Variants in LPCAT2 observed in about 807,000 individuals in gnomAD.
LPCAT2 encodes lysophosphatidylcholine acyltransferase 2, also known as 1-AGP acyltransferase 11.
In LPCAT2, 58 loss-of-function variants were observed where a neutral mutation model predicts 64.7. The ratio of observed to expected loss-of-function variants is 0.90; its 90% confidence interval spans 0.73 to 1.12. The LOEUF is 1.12. LPCAT2 is among the 50% of genes most tolerant of loss of function. The pLI is 0.00. For missense variants in LPCAT2, 579 were observed against 669.8 expected (o/e 0.86, Z 1.50); for synonymous variants, 252 against 245.3 (o/e 1.03, Z -0.26).
At chr16:55,510,928 T>C (rs761330963) in intron 1 of LPCAT2, among the ~76,000 whole-genome samples, 8 of 152,142 alleles carry the variant, frequency 5.3e-5, no homozygotes, top group Non-Finnish European at 1.0e-4. Flanking sequence ...CTATAATAAA[T>C]TATTAAGTTT....
chr16:55,520,277 A>T (rs1259042116), intron 1 of LPCAT2, among the ~76,000 whole-genome samples: 1 of 152,148 alleles, frequency 6.6e-6, no homozygotes, highest in Non-Finnish European at 1.5e-5. Flanking sequence ...AAGACATGTC[A>T]TGATATCAGA....
In LPCAT2 at chr16:55,509,194, GC is replaced by G; in HGVS notation, c.16del (p.Gln6ArgfsTer70). On this transcript the variant is annotated frameshift_variant, in exon 1 of 14. Coordinates refer to ENST00000262134, the MANE Select transcript of LPCAT2 (RefSeq NM_017839.5). LOFTEE classifies it high-confidence loss of function. MSRCAQAAEVAATVP... is the reference protein window; with the variant it reads MSRCXQAAEVAATVP... ...GCCCGGCTCAACTATGAGCCGGTGC[GC>G]CCAGGCGGCGGAAGTGGCGGCCACA... The G allele has an allele frequency of 7.1e-7, 1 of 1,402,452 alleles. No individual in the cohort carries two copies. Among genetic ancestry groups the G allele is most frequent in the Non-Finnish European group, 9.3e-7 (1 of 1,072,980 alleles). 86.9% of individuals were successfully genotyped at this position (1,402,452 alleles called of 1,614,324 possible).
In LPCAT2 at chr16:55,518,259, A is replaced by C. The variant is rs951745482; in HGVS notation, c.172-7249A>C. ...CATTGAAAACTACAAAATATCATTG[A>C]AAGAAATTAGAGACGACTTAAATAA... On this transcript the variant is annotated intron_variant, in intron 1 of 13. Transcript: ENST00000262134. Among the ~76,000 whole-genome samples, 3 of 151,680 alleles carry C rather than the reference A, an allele frequency of 2.0e-5. No individual in the cohort carries two copies. The East Asian group carries it at 5.8e-4, about 29-fold the overall frequency.
At chr16:55,531,780 G>A (rs1286359954) in intron 4 of LPCAT2, 134 bp from the exon 5 acceptor site, 1 of 627,588 alleles carries the variant, frequency 1.6e-6, no homozygotes, top group Non-Finnish European at 2.9e-6. Flanking sequence ...GCTTTCATTA[G>A]AATCAAATGT....
intron 1 of LPCAT2, among the ~76,000 whole-genome samples, chr16:55,511,178 A>T (rs756642320): frequency 6.6e-6 from 1 of 152,216 alleles, no homozygotes; most frequent in Non-Finnish European, 1.5e-5. Flanking sequence ...GTTGATCTTA[A>T]TATTGATAAT....
At chr16:55,515,127 G>T (rs1429630513) in intron 1 of LPCAT2, among the ~76,000 whole-genome samples, 1 of 152,094 alleles carries the variant, frequency 6.6e-6, no homozygotes, top group Non-Finnish European at 1.5e-5. Context: ...GGAGAAAGAT[G>T]CAGAAAGAAT....
chr16:55,579,258 C>G lies in LPCAT2; in HGVS notation c.1450+14C>G, dbSNP rs774367383. On this transcript the variant is annotated intron_variant, in intron 13 of 13. Coordinates refer to ENST00000262134, the MANE Select transcript of LPCAT2 (RefSeq NM_017839.5). ...CAATTTCCTATGGTGAGTAGGCAAT[C>G]TGGCCTCCTGACTTAGTTTACAAGG... 2.5e-6 allele frequency: 4 copies of G among 1,609,556 alleles called. No homozygotes were observed. Among genetic ancestry groups the G allele is most frequent in the African/African-American group, 1.3e-5 (1 of 74,686 alleles).
chr16:55,559,899 A>T (rs1963617749), intron 11 of LPCAT2, among the ~76,000 whole-genome samples: 2 of 152,056 alleles, frequency 1.3e-5, no homozygotes. Flanking sequence ...AGGTTCACTT[A>T]GCTCCTCCAT....
In LPCAT2 at chr16:55,542,884, A is replaced by G. The variant is rs79781520; in HGVS notation, c.853-2851A>G. 4.6e-5 allele frequency among the ~76,000 whole-genome samples: 7 copies of G among 152,272 alleles called. No individual in the cohort carries two copies. In the East Asian group the frequency reaches 1.4e-3, roughly 29 times the overall value. ...GAAGAATATCTGTGGCAAGATGTCA[A>G]GTGAGTCATCAATGTGAGTAATGAG... On this transcript the variant is annotated intron_variant, in intron 8 of 13. Transcript: ENST00000262134.
intron 1 of LPCAT2, among the ~76,000 whole-genome samples, chr16:55,520,919 T>C (rs1246713394): frequency 6.6e-6 from 1 of 151,864 alleles, no homozygotes; most frequent in East Asian, 1.9e-4. Flanking sequence ...AAATTAATGA[T>C]TTAAGTTTTT....
chr16:55,561,588 TA>T (rs3837767), intron 11 of LPCAT2, among the ~76,000 whole-genome samples: 124,187 of 151,790 alleles, frequency 0.82, 53,053 homozygotes, highest in Non-Finnish European at 0.94. Context: ...GAATTGGATT[TA>T]AACCACAGCA....
In LPCAT2 at chr16:55,529,960, A is replaced by G. The variant is rs754834949; in HGVS notation, c.642+13A>G. On this transcript the variant is annotated intron_variant, in intron 4 of 13. Coordinates refer to ENST00000262134, the MANE Select transcript of LPCAT2 (RefSeq NM_017839.5). ...AGAATGGCCCCAGGTAAAACATGGT[A>G]GATGTTAATTTAAATATAGTGGGAG... 6.4e-7 allele frequency: 1 copy of G among 1,571,706 alleles called. No individual in the cohort carries two copies. Among genetic ancestry groups the G allele is most frequent in the Non-Finnish European group, 8.7e-7 (1 of 1,148,702 alleles).
chr16:55,556,273 A>G (rs1234122654), intron 11 of LPCAT2, among the ~76,000 whole-genome samples: 1 of 152,222 alleles, frequency 6.6e-6, no homozygotes, highest in African/African-American at 2.4e-5. Context: ...ATATGAAACT[A>G]GTGACGGGAA....
At chr16:55,518,595 A>C (rs1963046747) in intron 1 of LPCAT2, among the ~76,000 whole-genome samples, 3 of 152,254 alleles carry the variant, frequency 2.0e-5, no homozygotes. Flanking sequence ...TAGATCAATG[A>C]AATAGAATTG....
intron 8 of LPCAT2, chr16:55,538,478 C>T (rs369743996): frequency 1.1e-4 from 17 of 152,018 alleles, no homozygotes; most frequent in Admixed American, 3.3e-4. Context: ...TTTTGCTTTG[C>T]TAGATAGCTT....
intron 12 of LPCAT2, 141 bp from the exon 13 acceptor site, chr16:55,578,968 T>C (rs1567408204): frequency 1.3e-6 from 1 of 748,280 alleles, no homozygotes; most frequent in African/African-American, 1.7e-5. Flanking sequence ...GTGAGGGTAG[T>C]AGAGATGATA....
chr16:55,536,305 T>C lies in LPCAT2; in HGVS notation c.798-1273T>C, dbSNP rs372004252. On this transcript the variant is annotated intron_variant, in intron 7 of 13. Coordinates refer to ENST00000262134, the MANE Select transcript of LPCAT2 (RefSeq NM_017839.5). ...CAGACTAAGAAGTATTTGGTCTGTC[T>C]GTAGGGTGGACAAGACAGGTTAAAT... 3.3e-5 allele frequency among the ~76,000 whole-genome samples: 5 copies of C among 152,334 alleles called. No homozygotes were observed. The East Asian group carries it at 7.7e-4, about 23-fold the overall frequency.
intron 11 of LPCAT2, chr16:55,566,524 C>G (rs1269980063): frequency 6.0e-6 from 3 of 502,870 alleles, no homozygotes; most frequent in African/African-American, 5.7e-5. Context: ...TTATAAGTAT[C>G]TGGAAGAGTG....
At chr16:55,530,460 A>G (rs1232667417) in intron 4 of LPCAT2, among the ~76,000 whole-genome samples, 3 of 146,630 alleles carry the variant, frequency 2.0e-5, no homozygotes, top group Non-Finnish European at 4.5e-5. Flanking sequence ...AAACTTTACC[A>G]TCTCACCACT....
Sources: allele counts gnomAD v4.1 joint callset (sites outside exome capture counted in the v4.1 genomes callset), GRCh38; gene constraint gnomAD v4.1.1; transcripts MANE v1.5; gene names NCBI Gene and HGNC (gene_info 2026-07-23, HGNC 2026-07-21).